Variants in WDR81 observed in about 807,000 individuals in gnomAD.
WDR81 encodes the protein WD repeat-containing protein 81.
Under a neutral mutation model 140.8 loss-of-function variants are expected in WDR81, and 92 were observed. The observed-to-expected ratio is 0.65, with a 90% CI of 0.55 to 0.78. WDR81 has a LOEUF of 0.78. Among genes scored for constraint, WDR81 ranks in the 30% least tolerant of loss-of-function variants. The probability of loss-of-function intolerance (pLI) is 0.00; values close to 1 mark genes in which losing one functional copy is unlikely to be tolerated. For missense variants in WDR81, 2,502 were observed against 2,636.4 expected, an observed-to-expected ratio of 0.95 and a Z score of 1.12; for synonymous variants, 1,183 against 1,156.4, an observed-to-expected ratio of 1.02 and a Z score of -0.47.
Position 1,730,362 on chromosome 17 carries a change from C to T in WDR81, c.3668-18C>T. ...CCCCTGTTATCTGAGGAGCTCAGGG[C>T]CTGCTCCCACCCCGCAGATACAGCC... On this transcript the variant is annotated intron_variant, in intron 1 of 9. Transcript: ENST00000409644. The T allele has an allele frequency of 6.2e-7, 1 of 1,602,568 alleles. No homozygotes were observed. Among genetic ancestry groups the T allele is most frequent in the South Asian group, 1.1e-5 (1 of 89,826 alleles).
At position 1,719,269 on chromosome 17, in the gene WDR81, C is replaced by T. The variant is rs75846155; in HGVS notation, c.-124+2636C>T. 4.7e-3 allele frequency among the ~76,000 whole-genome samples: 715 copies of T among 152,304 alleles called. 7 individuals are homozygous for T. The highest frequency in any genetic ancestry group is 0.016 in the African/African-American group (672 of 41,550). On this transcript the variant is annotated intron_variant, in intron 1 of 10. Transcript: ENST00000309182. The stretch of plus-strand genomic sequence containing the variant: ...ATATTTTAAAAGTTAAAAATGTGCC[C>T]GGGCGCGGTGGCTCATGCCTGTAAT...
chr17:1,719,870 G>T (rs1914774206), upstream of WDR81, among the ~76,000 whole-genome samples: 1 of 151,708 alleles, frequency 6.6e-6, no homozygotes, highest in African/African-American at 2.4e-5. Context: ...CAGGTGTGGT[G>T]GTATCTGTGG....
intron 9 of WDR81, among the ~76,000 whole-genome samples, chr17:1,736,712 C>T (rs889120716): frequency 1.3e-5 from 2 of 152,212 alleles, no homozygotes; most frequent in Non-Finnish European, 2.9e-5. Flanking sequence ...TTCCCCTCCC[C>T]CTCCCTCCAT....
At position 1,727,457 on chromosome 17, in the gene WDR81, T is replaced by C. The variant is rs1313087970; in HGVS notation, c.2498T>C (p.Val833Ala). ...CTCCTGCAGATGAGTGGCCCCGAAG[T>C]CCCCATGGGAGCAGAGAGGGGCAAG... ...DTLLQMSGPE[V>A]PMGAERGKLD... is the part of the protein sequence containing the mutation. Residue 833 changes from valine to alanine, a missense_variant, in exon 1 of 10, where the codon GTC becomes GCC. This residue lies in a region of WDR81 where 1,737 missense variants were observed against 1,843.0 expected (regional missense o/e 0.94). Coordinates refer to ENST00000409644, the MANE Select transcript of WDR81 (RefSeq NM_001163809.2). The C allele has an allele frequency of 7.1e-6, 11 of 1,550,334 alleles. No homozygotes were observed. In the East Asian group the frequency reaches 2.7e-4, roughly 38 times the overall value.
Position 1,727,993 on chromosome 17 carries a change from C to T in WDR81, c.3034C>T (p.Leu1012=), listed in dbSNP as rs1915406257. Residue 1012 remains leucine, a synonymous_variant, in exon 1 of 10, where the codon CTG becomes TTG. Coordinates refer to ENST00000409644, the MANE Select transcript of WDR81 (RefSeq NM_001163809.2). ...THLLPHVLQV[L]AGAEASQEES... ...CCTGCTGCCCCATGTCCTGCAGGTG[C>T]TGGCGGGCGCAGAGGCCTCCCAGGA... 2.6e-6 allele frequency: 4 copies of T among 1,550,548 alleles called. No individual in the cohort carries two copies. In the South Asian group the frequency reaches 3.6e-5, roughly 14 times the overall value.
intron 1 of WDR81, among the ~76,000 whole-genome samples, chr17:1,718,246 T>G (rs1255074716): frequency 6.6e-6 from 1 of 152,060 alleles, no homozygotes; most frequent in African/African-American, 2.4e-5. Flanking sequence ...GCCTCCTGAG[T>G]AGCTGGGATT....
Position 1,736,019 on chromosome 17 carries a change from C to T in WDR81, c.5326-20C>T. ...GAGATGGGAAGGTGGTGCCTCAGCTCAGCCGCCCTCTCCCTGCAGCACGAG... is the reference window on the plus strand; with the variant it reads ...GAGATGGGAAGGTGGTGCCTCAGCTTAGCCGCCCTCTCCCTGCAGCACGAG... On this transcript the variant is annotated intron_variant, in intron 8 of 9. Transcript: ENST00000409644. 6.3e-7 allele frequency: 1 copy of T among 1,575,046 alleles called. No individual in the cohort carries two copies. The highest frequency in any genetic ancestry group is 1.1e-5 in the South Asian group (1 of 87,522).
Position 1,725,538 on chromosome 17 carries a change from T to C in WDR81, c.579T>C (p.Gly193=). 1 of 1,545,138 alleles carries C rather than the reference T, an allele frequency of 6.5e-7. No individual in the cohort carries two copies. The highest frequency in any genetic ancestry group is 8.7e-7 in the Non-Finnish European group (1 of 1,146,956). ...RVYGCSFLPV[G]ETTQCPSYAR... is the part of the protein sequence containing the mutation. The stretch of plus-strand genomic sequence containing the variant: ...ATGGTTGCTCCTTCCTGCCAGTGGG[T>C]GAAACTACCCAATGCCCTTCATATG... Residue 193 remains glycine (G), a synonymous_variant, in exon 1 of 10, where the codon GGT becomes GGC. Coordinates refer to ENST00000409644, the MANE Select transcript of WDR81 (RefSeq NM_001163809.2).
At chr17:1,720,318 C>G (rs985845778), upstream of WDR81, among the ~76,000 whole-genome samples, 1 of 152,164 alleles carries the variant, frequency 6.6e-6, no homozygotes, top group African/African-American at 2.4e-5. Flanking sequence ...CATTGGGATT[C>G]AGGGAACACG....
Position 1,728,579 on chromosome 17 carries a change from A to C in WDR81, c.3620A>C (p.Glu1207Ala). Residue 1207 changes from glutamate to alanine, a missense_variant, in exon 1 of 10, where the codon GAG (glutamate) becomes GCG (alanine). This residue lies in a region of WDR81 where 1,737 missense variants were observed against 1,843.0 expected (regional missense o/e 0.94). Transcript: ENST00000409644. ...GSGGDGEEEEEALPEQSEGKE... is the reference protein window; with the variant it reads ...GSGGDGEEEEAALPEQSEGKE... The stretch of plus-strand genomic sequence containing the variant: ...GGGGGAGATGGAGAAGAAGAGGAGG[A>C]GGCACTGCCTGAGCAGTCAGAAGGC... 6.6e-7 allele frequency: 1 copy of C among 1,504,430 alleles called. No homozygotes were observed. Among genetic ancestry groups the C allele is most frequent in the Middle Eastern group, 1.7e-4 (1 of 5,728 alleles). The allele number at this position is 1,504,430 out of a possible 1,614,324, so 93.2% of individuals were successfully genotyped here.
rs781225989 is a variant in WDR81 at position 1,725,158 on chromosome 17, C to T, written c.199C>T (p.Arg67Cys). ...LVPARWLASLRDRRLPLGPCP... is the reference protein window; with the variant it reads ...LVPARWLASLCDRRLPLGPCP... ...GCCTGCGCGCTGGCTGGCCAGCCTC[C>T]GCGATCGCCGGCTGCCCCTGGGACC... Residue 67 changes from arginine (R) to cysteine (C), a missense_variant, in exon 1 of 10, where the codon CGC (arginine) becomes TGC (cysteine). Arg to Cys is a radical substitution (Grantham distance 180). This residue lies in a region of WDR81 where 547 missense variants were observed against 513.8 expected (regional missense o/e 1.06). Transcript: ENST00000409644. The T allele has an allele frequency of 6.5e-6, 10 of 1,533,730 alleles. No homozygotes were observed. The highest frequency in any genetic ancestry group is 8.7e-6 in the Non-Finnish European group (10 of 1,144,598).
At chr17:1,718,395 G>A (rs1485135502) in intron 1 of WDR81, among the ~76,000 whole-genome samples, 2 of 152,226 alleles carry the variant, frequency 1.3e-5, no homozygotes, top group East Asian at 3.9e-4. Flanking sequence ...TAGGATTATA[G>A]GCGTGTGAGC....
Position 1,732,290 on chromosome 17 carries a change from A to G in WDR81, c.4158-35A>G, listed in dbSNP as rs562552887. Reference sequence around the variant, plus strand: ...GCTAGATTCTGGTCAAGTCCTGCAGAACGGCGGGCTGGAGCTCATGAGCTC... The same window carrying G: ...GCTAGATTCTGGTCAAGTCCTGCAGGACGGCGGGCTGGAGCTCATGAGCTC... On this transcript the variant is annotated intron_variant, in intron 4 of 9. Coordinates refer to ENST00000409644, the MANE Select transcript of WDR81 (RefSeq NM_001163809.2). The G allele has an allele frequency of 5.0e-6, 8 of 1,602,666 alleles. No individual in the cohort carries two copies. In the East Asian group the frequency reaches 1.8e-4, roughly 36 times the overall value.
At chr17:1,718,958 G>C (rs1597277543) in intron 1 of WDR81, among the ~76,000 whole-genome samples, 1 of 152,108 alleles carries the variant, frequency 6.6e-6, no homozygotes, top group East Asian at 1.9e-4. Flanking sequence ...GCTACCGGGT[G>C]CACAATAGGA....
chr17:1,732,633 ACC>A (rs1344918645), intron 5 of WDR81, 31 bp from the exon 6 acceptor site: 1 of 1,580,222 alleles, frequency 6.3e-7, no homozygotes, highest in Admixed American at 1.7e-5. Flanking sequence ...GGAGCTGTGG[ACC>A]CGGCTGACCC....
Position 1,726,023 on chromosome 17 carries a change from G to A in WDR81, c.1064G>A (p.Gly355Asp). 6.5e-7 allele frequency: 1 copy of A among 1,545,234 alleles called. No individual in the cohort carries two copies. Among genetic ancestry groups the A allele is most frequent in the Non-Finnish European group, 8.7e-7 (1 of 1,143,374 alleles). The change falls in exon 1 of 10, where the codon GGC becomes GAC. Residue 355 changes from glycine to aspartate, a missense_variant. Transcript: ENST00000409644. ...LRSLVLDWVH[G>D]RISNFHYLMQ... is the part of the protein sequence containing the mutation. Reference sequence around the variant, plus strand: ...AGCCTCGTGCTAGATTGGGTCCACGGCCGCATCAGCAACTTCCACTACCTC... The same window carrying A: ...AGCCTCGTGCTAGATTGGGTCCACGACCGCATCAGCAACTTCCACTACCTC...
In WDR81 at chr17:1,725,099, C is replaced by T. The variant is rs1915134315; in HGVS notation, c.140C>T (p.Pro47Leu). 6 of 1,504,364 alleles carry T rather than the reference C, an allele frequency of 4.0e-6. No homozygotes were observed. The highest frequency in any genetic ancestry group is 4.4e-6 in the Non-Finnish European group (5 of 1,127,302). 93.2% of individuals were successfully genotyped at this position (1,504,364 alleles called of 1,614,324 possible). A position where few individuals can be genotyped will look rare whatever the true frequency, so the allele number is the denominator to read the frequency against. ...AGCATCGATCCCAGGCAGCTGGCTC[C>T]GGCCCCGGGGGGCACCCACGTGGTG... ...DLSIDPRQLA[P>L]APGGTHVVAL... Residue 47 changes from proline to leucine, a missense_variant, in exon 1 of 10, where the codon CCG becomes CTG. Pro to Leu is a moderately conservative substitution (Grantham distance 98). This residue lies in a region of WDR81 where 547 missense variants were observed against 513.8 expected (regional missense o/e 1.06). Transcript: ENST00000409644.
chr17:1,728,495 C>A lies in WDR81; in HGVS notation c.3536C>A (p.Ser1179Tyr). The change falls in exon 1 of 10, where the codon TCT (serine) becomes TAT (tyrosine). Residue 1179 changes from serine to tyrosine, a missense_variant. This residue lies in a region of WDR81 where 1,737 missense variants were observed against 1,843.0 expected (regional missense o/e 0.94). Transcript: ENST00000409644. ...EGEQEEVTGA[S>Y]ELTLSDTVLS... ...GAGCAGGAGGAGGTCACCGGGGCATCTGAGCTCACTCTGTCTGACACGGTG... is the reference window on the plus strand; with the variant it reads ...GAGCAGGAGGAGGTCACCGGGGCATATGAGCTCACTCTGTCTGACACGGTG... The A allele has an allele frequency of 6.3e-7, 1 of 1,596,322 alleles. No homozygotes were observed.
chr17:1,737,120 G>A (rs969154230), intron 9 of WDR81, among the ~76,000 whole-genome samples: 3 of 152,202 alleles, frequency 2.0e-5, no homozygotes, highest in South Asian at 2.1e-4. Context: ...AGGTCGTCAC[G>A]TGCACGCCTG....
Sources: gnomAD v4.1 joint callset for allele counts (sites outside exome capture counted in the v4.1 genomes callset) on GRCh38, gnomAD v4.1.1 for gene constraint, gnomAD v4.1.1 regional missense constraint, MANE v1.5 for transcripts, NCBI Gene and HGNC (gene_info 2026-07-23, HGNC 2026-07-21) for gene names.